Variants in IKZF3 observed in about 807,000 individuals in gnomAD.
IKZF3 encodes the protein zinc finger protein Aiolos.
A neutral mutation model predicts 49.0 loss-of-function variants in IKZF3; 10 were observed. That is an observed-to-expected ratio of 0.20 (90% CI 0.13 to 0.35). The LOEUF (loss-of-function observed/expected upper bound fraction) is 0.35. Among genes scored for constraint, IKZF3 ranks in the 10% least tolerant of loss-of-function variants. The pLI is 1.00. For missense variants in IKZF3, 498 were observed against 664.8 expected (o/e 0.75, Z 2.76); for synonymous variants, 209 against 228.2 (o/e 0.92, Z 0.76).
chr17:39,775,988 C>T (rs537994016), intron 7 of IKZF3, among the ~76,000 whole-genome samples: 217 of 151,944 alleles, frequency 1.4e-3, no homozygotes, highest in African/African-American at 5.0e-3. Context: ...TCTTGCCCAG[C>T]TCTCCCTATG....
At chr17:39,854,022 A>G (rs1203981777) in intron 1 of IKZF3, among the ~76,000 whole-genome samples, 1 of 152,126 alleles carries the variant, frequency 6.6e-6, no homozygotes, top group Admixed American at 6.6e-5. Flanking sequence ...GCTACTCAGG[A>G]GGCTGAGGCA....
intron 3 of IKZF3, among the ~76,000 whole-genome samples, chr17:39,811,387 G>A (rs1598083200): frequency 7.5e-6 from 1 of 133,006 alleles, no homozygotes; most frequent in Non-Finnish European, 1.6e-5. Context: ...AGGAAGGAAG[G>A]AAGAAAGGAC....
At chr17:39,843,328 A>G (rs1212879510) in intron 1 of IKZF3, among the ~76,000 whole-genome samples, 2 of 152,178 alleles carry the variant, frequency 1.3e-5, no homozygotes, top group Non-Finnish European at 2.9e-5. Flanking sequence ...ACTTGCAGAA[A>G]AAAAGTTTTT....
Position 39,864,292 on chromosome 17 carries a change from G to A in IKZF3, c.-166C>T. The A allele has an allele frequency of 1.4e-6, 1 of 697,658 alleles. No individual in the cohort carries two copies. Among genetic ancestry groups the A allele is most frequent in the Non-Finnish European group, 2.3e-6 (1 of 435,938 alleles). 43.2% of individuals were successfully genotyped at this position (697,658 alleles called of 1,614,324 possible). On this transcript the variant is annotated 5_prime_UTR_variant, in exon 1 of 8. Transcript: ENST00000346872. ...CAGACTGAAAAGGGCAGGAGCCGGC[G>A]ACCTGCCGGTGCGCGGGGTTACAGC...
chr17:39,822,659 T>C (rs370374940), intron 3 of IKZF3, among the ~76,000 whole-genome samples: 5 of 150,826 alleles, frequency 3.3e-5, no homozygotes, highest in Admixed American at 1.3e-4. Flanking sequence ...CTTGGCTCAC[T>C]GCAAGCTCCG....
intron 1 of IKZF3, among the ~76,000 whole-genome samples, chr17:39,850,183 G>GCATATTATGTATGTATATATACTATATAA (rs1328982319): frequency 9.2e-6 from 1 of 108,178 alleles, no homozygotes; most frequent in African/African-American, 3.8e-5. Flanking sequence ...ATACTATATA[G>GCATATTATGTATGTATATATACTATATAA]CATATTATGT....
Position 39,832,049 on chromosome 17 carries a change from A to T in IKZF3, c.61+49T>A, listed in dbSNP as rs758194276. The T allele has an allele frequency of 1.3e-5, 17 of 1,358,654 alleles. 1 individual carries two copies. The highest frequency in any genetic ancestry group is 1.7e-5 in the Non-Finnish European group (16 of 958,698). The allele number at this position is 1,358,654 out of a possible 1,614,324, so 84.2% of individuals were successfully genotyped here. A position where few individuals can be genotyped will look rare whatever the true frequency, so the allele number is the denominator to read the frequency against. On this transcript the variant is annotated intron_variant, in intron 2 of 7. Coordinates refer to ENST00000346872, the MANE Select transcript of IKZF3 (RefSeq NM_012481.5). ...ATAAGCACATTCCTCTCTCTTTGGT[A>T]TTTTTTTTAGTAAAGGTATATTTCC... is the stretch of plus-strand genomic sequence containing the variant.
chr17:39,770,569 A>C (rs1417942021), intron 7 of IKZF3, among the ~76,000 whole-genome samples: 1 of 152,084 alleles, frequency 6.6e-6, no homozygotes, highest in Non-Finnish European at 1.5e-5. Context: ...GGCTAGAGCT[A>C]AAAGGGCCCT....
intron 7 of IKZF3, among the ~76,000 whole-genome samples, chr17:39,773,524 C>T (rs1226822760): frequency 2.0e-5 from 3 of 152,218 alleles, no homozygotes; most frequent in African/African-American, 7.2e-5. Context: ...AGTGTCAAAA[C>T]CTCATTAACA....
intron 3 of IKZF3, among the ~76,000 whole-genome samples, chr17:39,817,827 TAGTAC>T (rs1438660222): frequency 6.6e-6 from 1 of 152,216 alleles, no homozygotes; most frequent in Non-Finnish European, 1.5e-5. Flanking sequence ...CCAGTGTTAA[TAGTAC>T]AGTAGAGTAG....
chr17:39,783,900 G>A (rs1363405148), intron 6 of IKZF3, among the ~76,000 whole-genome samples: 2 of 152,136 alleles, frequency 1.3e-5, no homozygotes, highest in Non-Finnish European at 2.9e-5. Context: ...CTGCACTCCA[G>A]CCTGGGTGAC....
At chr17:39,767,104 TG>T (rs1188080598) in intron 7 of IKZF3, among the ~76,000 whole-genome samples, 1 of 152,052 alleles carries the variant, frequency 6.6e-6, no homozygotes, top group African/African-American at 2.4e-5. Flanking sequence ...GAGACTGAAG[TG>T]AAAGAGCTTC....
intron 1 of IKZF3, among the ~76,000 whole-genome samples, chr17:39,837,713 A>G (rs561435120): frequency 6.6e-6 from 1 of 151,188 alleles, no homozygotes; most frequent in African/African-American, 2.4e-5. Flanking sequence ...ATCTTGGCTC[A>G]CTGCAAGCTC....
In IKZF3 at chr17:39,788,269, G is replaced by T; in HGVS notation, c.698C>A (p.Pro233Gln). The T allele has an allele frequency of 6.2e-7, 1 of 1,610,180 alleles. No homozygotes were observed. The change falls in exon 6 of 8, where the codon CCA becomes CAA. Residue 233 changes from proline (P) to glutamine (Q), a missense_variant. By Grantham distance (76) the Pro-to-Gln change is moderately conservative. This residue lies in a region of IKZF3 where 317 missense variants were observed against 397.3 expected (regional missense o/e 0.80). Transcript: ENST00000346872. ...RCRTFLQSTD[P>Q]GDTASAEARH... is the part of the protein sequence containing the mutation. Reference sequence around the variant, plus strand: ...TTGCGTGAACTCACCAGTGTCCCCTGGGTCAGTGCTCTGAAGAAATGTACG... The same window carrying T: ...TTGCGTGAACTCACCAGTGTCCCCTTGGTCAGTGCTCTGAAGAAATGTACG...
chr17:39,801,824 GTTTTC>G (rs565602872), intron 3 of IKZF3, among the ~76,000 whole-genome samples: 149 of 152,144 alleles, frequency 9.8e-4, no homozygotes, highest in African/African-American at 3.3e-3. Context: ...AATCTATTAT[GTTTTC>G]TTTTTTTCTC....
rs767296747 is a variant in IKZF3 at position 39,766,210 on chromosome 17, G to A, written c.1110C>T (p.Ser370=). 25 of 1,614,044 alleles carry A rather than the reference G, an allele frequency of 1.5e-5. No homozygotes were observed. Among genetic ancestry groups the A allele is most frequent in the Admixed American group, 1.5e-4 (9 of 60,004 alleles). Residue 370 remains serine, a synonymous_variant, in exon 8 of 8, where the codon AGC becomes AGT. Transcript: ENST00000346872. The part of the protein sequence containing the change: ...EKKSIHLPEK[S]VPSERGLSPN... Reference sequence around the variant, plus strand: ...GAGAGAGGCCTCTCTCAGAAGGCACGCTCTTCTCTGGAAGGTGGATGCTTT... The same window carrying A: ...GAGAGAGGCCTCTCTCAGAAGGCACACTCTTCTCTGGAAGGTGGATGCTTT...
Position 39,762,271 on chromosome 17 carries a change from T to C in IKZF3, c.*3519A>G, listed in dbSNP as rs2060199729. On this transcript the variant is annotated 3_prime_UTR_variant, in exon 8 of 8. Transcript: ENST00000346872. ...CCAGCCCTGGCAAGGGGTTTGTTAA[T>C]TAGTACAGCATAAGGGGTATGTACA... 6.6e-6 allele frequency: 1 copy of C among 152,260 alleles called. No individual in the cohort carries two copies. The highest frequency in any genetic ancestry group is 1.5e-5 in the Non-Finnish European group (1 of 68,076). 9.4% of individuals were successfully genotyped at this position (152,260 alleles called of 1,614,324 possible). A position where few individuals can be genotyped will look rare whatever the true frequency, so the allele number is the denominator to read the frequency against.
intron 3 of IKZF3, among the ~76,000 whole-genome samples, chr17:39,802,079 G>T (rs779651621): frequency 6.6e-6 from 1 of 151,624 alleles, no homozygotes; most frequent in African/African-American, 2.4e-5. Flanking sequence ...AAAATTAGCC[G>T]GGCATGGTGA....
intron 3 of IKZF3, 38 bp downstream of exon 3, chr17:39,829,349 T>C: frequency 7.2e-7 from 1 of 1,390,422 alleles, no homozygotes. Context: ...AAGCAATATC[T>C]ACAGGCATCA....
Sources: gnomAD v4.1 joint callset for allele counts (sites outside exome capture counted in the v4.1 genomes callset) on GRCh38, gnomAD v4.1.1 for gene constraint, gnomAD v4.1.1 regional missense constraint, MANE v1.5 for transcripts, NCBI Gene and HGNC (gene_info 2026-07-23, HGNC 2026-07-21) for gene names.